Variants in ZDHHC14 observed in about 807,000 individuals in gnomAD.
ZDHHC14 encodes the protein zDHHC palmitoyltransferase 14, also known as palmitoyltransferase ZDHHC14.
In ZDHHC14, 16 loss-of-function variants were observed where a neutral mutation model predicts 47.7. That is an observed-to-expected ratio of 0.34 (90% CI 0.23 to 0.51). The LOEUF is 0.51. Among genes scored for constraint, ZDHHC14 ranks in the 20% least tolerant of loss-of-function variants. ZDHHC14 has a pLI of 0.97. For synonymous variants in ZDHHC14, 293 were observed against 278.9 expected, an observed-to-expected ratio of 1.05 and a Z score of -0.50; for missense variants, 515 against 662.5, an observed-to-expected ratio of 0.78 and a Z score of 2.44.
At chr6:157,531,503 T>C (rs1356380509) in intron 1 of ZDHHC14, among the ~76,000 whole-genome samples, 2 of 151,746 alleles carry the variant, frequency 1.3e-5, no homozygotes, top group African/African-American at 2.4e-5. Flanking sequence ...CACCCCCCGC[T>C]CCGGCCCACT....
intron 1 of ZDHHC14, among the ~76,000 whole-genome samples, chr6:157,517,982 AG>A (rs1780760981): frequency 6.6e-6 from 1 of 151,998 alleles, no homozygotes; most frequent in Admixed American, 6.5e-5. Flanking sequence ...AAGTCATCCT[AG>A]GATGCACGTC....
intron 1 of ZDHHC14, among the ~76,000 whole-genome samples, chr6:157,384,114 A>G (rs750691114): frequency 6.6e-6 from 1 of 152,214 alleles, no homozygotes; most frequent in Non-Finnish European, 1.5e-5. Flanking sequence ...GAACAGATCC[A>G]AATTGGCACT....
chr6:157,409,591 A>G (rs543947110), intron 1 of ZDHHC14, among the ~76,000 whole-genome samples: 8 of 152,348 alleles, frequency 5.3e-5, no homozygotes, highest in African/African-American at 1.4e-4. Context: ...AGTAGGGAAC[A>G]TACGCTATGC....
At chr6:157,406,936 G>A (rs748934959) in intron 1 of ZDHHC14, among the ~76,000 whole-genome samples, 1 of 152,210 alleles carries the variant, frequency 6.6e-6, no homozygotes, top group Non-Finnish European at 1.5e-5. Context: ...ATAGAGTCTT[G>A]CTTGTCAGGC....
At chr6:157,493,926 G>C (rs1436516514) in intron 1 of ZDHHC14, among the ~76,000 whole-genome samples, 1 of 152,208 alleles carries the variant, frequency 6.6e-6, no homozygotes, top group Non-Finnish European at 1.5e-5. Context: ...CTAATTGTCA[G>C]CTCAGCTCAA....
intron 1 of ZDHHC14, among the ~76,000 whole-genome samples, chr6:157,506,495 T>A (rs1780328447): frequency 6.6e-6 from 1 of 152,248 alleles, no homozygotes. Flanking sequence ...TGAGATGATG[T>A]GGACTTCTCT....
chr6:157,621,282 G>A (rs952624042), intron 3 of ZDHHC14, among the ~76,000 whole-genome samples: 7 of 151,978 alleles, frequency 4.6e-5, no homozygotes, highest in African/African-American at 7.3e-5. Flanking sequence ...CTCAACTTTC[G>A]TCTTTCTAAA....
intron 3 of ZDHHC14, among the ~76,000 whole-genome samples, chr6:157,601,097 C>G (rs1486953267): frequency 6.6e-6 from 1 of 152,168 alleles, no homozygotes; most frequent in African/African-American, 2.4e-5. Flanking sequence ...GCTCCTGACC[C>G]ACAAAAATCG....
chr6:157,471,184 G>A (rs1261661750), intron 1 of ZDHHC14, among the ~76,000 whole-genome samples: 1 of 152,218 alleles, frequency 6.6e-6, no homozygotes, highest in African/African-American at 2.4e-5. Flanking sequence ...CCCACCCCCA[G>A]GACTTTGATT....
intron 2 of ZDHHC14, among the ~76,000 whole-genome samples, chr6:157,562,901 G>C (rs1782764129): frequency 2.0e-5 from 3 of 151,090 alleles, no homozygotes; most frequent in Admixed American, 2.0e-4. Context: ...CACCCACTGT[G>C]CCCAGGTCAA....
At chr6:157,519,810 C>G (rs1405812787) in intron 1 of ZDHHC14, among the ~76,000 whole-genome samples, 1 of 152,224 alleles carries the variant, frequency 6.6e-6, no homozygotes, top group Non-Finnish European at 1.5e-5. Context: ...GAGCCCGTGG[C>G]TTTGCTAGGT....
intron 5 of ZDHHC14, among the ~76,000 whole-genome samples, chr6:157,633,997 T>G (rs1776843291): frequency 6.6e-6 from 1 of 152,208 alleles, no homozygotes. Context: ...ATGACTTATG[T>G]ATGTATCATG....
intron 8 of ZDHHC14, among the ~76,000 whole-genome samples, chr6:157,659,831 G>A (rs889391352): frequency 2.6e-5 from 4 of 152,162 alleles, no homozygotes; most frequent in East Asian, 1.9e-4. Context: ...AAGTTCTTGC[G>A]TTCCAATCCC....
chr6:157,477,625 C>G (rs1056637995), intron 1 of ZDHHC14, among the ~76,000 whole-genome samples: 18 of 152,052 alleles, frequency 1.2e-4, no homozygotes, highest in African/African-American at 4.3e-4. Context: ...TTTAAACTCA[C>G]CCTTATAAAA....
chr6:157,443,694 T>C (rs567731650), intron 1 of ZDHHC14, among the ~76,000 whole-genome samples: 1 of 152,338 alleles, frequency 6.6e-6, no homozygotes, highest in Admixed American at 6.5e-5. Flanking sequence ...AAAGCTAAGA[T>C]GAACTAGCTG....
At chr6:157,583,050 C>T (rs528246135) in intron 2 of ZDHHC14, among the ~76,000 whole-genome samples, 7 of 151,816 alleles carry the variant, frequency 4.6e-5, no homozygotes, top group Admixed American at 1.3e-4. Context: ...TCTTATAGTA[C>T]GTTTTTTATC....
intron 2 of ZDHHC14, among the ~76,000 whole-genome samples, chr6:157,546,868 G>A (rs566963607): frequency 1.3e-5 from 2 of 152,258 alleles, no homozygotes; most frequent in South Asian, 2.1e-4. Flanking sequence ...CCGTTCCACC[G>A]TCCTGACCCG....
intron 2 of ZDHHC14, among the ~76,000 whole-genome samples, chr6:157,579,195 T>TTTTG (rs1554269222): frequency 0.026 from 3,089 of 117,254 alleles, 109 homozygotes; most frequent in Non-Finnish European, 0.041. Flanking sequence ...TCTGTGTTTT[T>TTTTG]TTTTTTTTTT....
intron 8 of ZDHHC14, among the ~76,000 whole-genome samples, chr6:157,671,593 T>C (rs1245959354): frequency 6.6e-6 from 1 of 152,166 alleles, no homozygotes; most frequent in African/African-American, 2.4e-5. Flanking sequence ...TTTGCGGAGC[T>C]ATCAGGGGTG....
Sources: gnomAD v4.1 joint callset for allele counts (sites outside exome capture counted in the v4.1 genomes callset) on GRCh38, gnomAD v4.1.1 for gene constraint, MANE v1.5 for transcripts, NCBI Gene and HGNC (gene_info 2026-07-23, HGNC 2026-07-21) for gene names.